Variants in PCDH11X observed in about 807,000 individuals in gnomAD.
PCDH11X encodes protocadherin-11 X-linked.
In PCDH11X, 18 loss-of-function variants were observed where a neutral mutation model predicts 53.3. The ratio of observed to expected loss-of-function variants is 0.34; its 90% CI spans 0.23 to 0.50. PCDH11X has a LOEUF of 0.50. Ranked by LOEUF, PCDH11X falls within the 20% of genes least tolerant of loss-of-function variation. PCDH11X has a pLI of 0.98. For missense variants in PCDH11X, 570 were observed against 1,032.4 expected (o/e 0.55, Z 6.14); for synonymous variants, 279 against 393.3 (o/e 0.71, Z 3.44).
intron 4 of PCDH11X, among the ~76,000 whole-genome samples, chrX:91,829,444 C>CACA (rs1569400551): frequency 5.0e-4 from 23 of 45,909 alleles, no homozygotes; most frequent in South Asian, 1.8e-3. Flanking sequence ...ACACACACAC[C>CACA]CACAATTATA....
chrX:92,173,182 C>G (rs1238112942), intron 6 of PCDH11X, among the ~76,000 whole-genome samples: 1 of 111,418 alleles, frequency 9.0e-6, no homozygotes, highest in African/African-American at 3.3e-5. Context: ...CAGAGTATGC[C>G]TTTTGCTATT....
At chrX:92,494,548 T>C (rs1016636346) in intron 10 of PCDH11X, among the ~76,000 whole-genome samples, 3 of 112,054 alleles carry the variant, frequency 2.7e-5, no homozygotes, top group Non-Finnish European at 5.6e-5. Flanking sequence ...TATTTGATTT[T>C]CTTTTTTTTA....
chrX:92,432,065 C>A (rs975078239), intron 9 of PCDH11X, among the ~76,000 whole-genome samples: 1 of 109,771 alleles, frequency 9.1e-6, no homozygotes, highest in Admixed American at 9.8e-5. Context: ...AATGAATTGA[C>A]CATTTTATCG....
intron 10 of PCDH11X, among the ~76,000 whole-genome samples, chrX:92,484,179 AT>A (rs1273214208): frequency 2.8e-5 from 1 of 35,237 alleles, no homozygotes; most frequent in East Asian, 1.9e-3. Flanking sequence ...ATATATATGT[AT>A]GTATATATAT....
At chrX:91,999,211 A>G (rs1171345561) in intron 6 of PCDH11X, among the ~76,000 whole-genome samples, 1 of 111,690 alleles carries the variant, frequency 9.0e-6, no homozygotes, top group Non-Finnish European at 1.9e-5. Context: ...CACCATCCCC[A>G]GCCTTAATAG....
chrX:92,267,649 A>G (rs1278516673), intron 8 of PCDH11X, among the ~76,000 whole-genome samples: 1 of 112,593 alleles, frequency 8.9e-6, no homozygotes. Flanking sequence ...CCTGCTTCAG[A>G]AATTCTCCTA....
chrX:92,153,337 TACAC>T (rs60031124), intron 6 of PCDH11X, among the ~76,000 whole-genome samples: 512 of 104,300 alleles, frequency 4.9e-3, no homozygotes, highest in Non-Finnish European at 8.4e-3. Context: ...TAAATAAATA[TACAC>T]ACACACACAC....
intron 6 of PCDH11X, among the ~76,000 whole-genome samples, chrX:92,073,048 C>T (rs113559925): frequency 0.017 from 1,937 of 110,890 alleles, 32 homozygotes; most frequent in African/African-American, 0.061. Flanking sequence ...TGGCTGAGTT[C>T]GGCATTTATT....
intron 6 of PCDH11X, among the ~76,000 whole-genome samples, chrX:92,195,715 T>A (rs1427518984): frequency 2.7e-5 from 3 of 111,907 alleles, no homozygotes; most frequent in African/African-American, 9.7e-5. Context: ...AAACATTCCA[T>A]CCATAGCTAT....
At chrX:92,307,641 A>C (rs1005618445) in intron 8 of PCDH11X, among the ~76,000 whole-genome samples, 8 of 109,693 alleles carry the variant, frequency 7.3e-5, no homozygotes, top group African/African-American at 2.7e-4. Flanking sequence ...TGATTTTGTA[A>C]ATACAAAACC....
Position 92,599,943 on chromosome X carries a change from C to T in PCDH11X, c.3368-18321C>T, listed in dbSNP as rs147596557. On this transcript the variant is annotated intron_variant, in intron 10 of 10. Coordinates refer to ENST00000682573, the MANE Select transcript of PCDH11X (RefSeq NM_032968.5). ...CAGATTGGTAGCATTTTTCCCCTGC[C>T]CTAGATATCTGTGGAACTTTGAACA... Among the ~76,000 whole-genome samples the T allele has an allele frequency of 3.7e-4, 41 of 110,437 alleles. No homozygotes were observed. The East Asian group carries it at 9.1e-3, about 25-fold the overall frequency.
intron 10 of PCDH11X, among the ~76,000 whole-genome samples, chrX:92,566,892 C>T (rs771280570): frequency 9.1e-6 from 1 of 109,818 alleles, no homozygotes; most frequent in South Asian, 4.0e-4. Flanking sequence ...ACTAGAATTA[C>T]TCTAAAATGT....
intron 4 of PCDH11X, among the ~76,000 whole-genome samples, chrX:91,819,816 C>A (rs1464817633): frequency 1.4e-5 from 1 of 69,238 alleles, no homozygotes; most frequent in Non-Finnish European, 2.8e-5. Context: ...TGCTATCCCT[C>A]CCCCCTCCCC....
intron 6 of PCDH11X, among the ~76,000 whole-genome samples, chrX:92,002,666 G>A (rs1187716914): frequency 9.2e-6 from 1 of 108,536 alleles, no homozygotes. Context: ...TTGTAAATAG[G>A]ACTAATTTTA....
chrX:92,151,341 C>G (rs755412563), intron 6 of PCDH11X, among the ~76,000 whole-genome samples: 2 of 109,302 alleles, frequency 1.8e-5, no homozygotes, highest in Non-Finnish European at 3.8e-5. Flanking sequence ...TACAGGGGCC[C>G]GCCACCGTGC....
chrX:92,591,350 G>A (rs193283617), intron 10 of PCDH11X, among the ~76,000 whole-genome samples: 1,171 of 111,167 alleles, frequency 0.011, 7 homozygotes, highest in Non-Finnish European at 0.015. Context: ...CCAGTTGAGT[G>A]ATCTGTAAAA....
chrX:92,495,099 C>A, intron 10 of PCDH11X, among the ~76,000 whole-genome samples: 1 of 105,903 alleles, frequency 9.4e-6, no homozygotes, highest in Non-Finnish European at 1.9e-5. Flanking sequence ...TAGTGAGGTT[C>A]CTTGAATATT....
chrX:92,306,391 A>G (rs1282595695), intron 8 of PCDH11X, among the ~76,000 whole-genome samples: 1 of 108,002 alleles, frequency 9.3e-6, no homozygotes, highest in African/African-American at 3.4e-5. Flanking sequence ...ACTAGAGCAG[A>G]AGTAAGTAAA....
chrX:92,077,198 C>T (rs1319586763), intron 6 of PCDH11X, among the ~76,000 whole-genome samples: 1 of 110,482 alleles, frequency 9.1e-6, no homozygotes, highest in Non-Finnish European at 1.9e-5. Flanking sequence ...GTAAGCCAGC[C>T]CCACAATCAC....
Sources: allele counts gnomAD v4.1 joint callset (sites outside exome capture counted in the v4.1 genomes callset), GRCh38; gene constraint gnomAD v4.1.1; transcripts MANE v1.5; gene names NCBI Gene and HGNC (gene_info 2026-07-23, HGNC 2026-07-21).